The following PPP2R5A variants were observed in gnomAD, a reference collection of about 807,000 sequenced individuals.
PPP2R5A encodes the protein protein phosphatase 2 regulatory subunit B'alpha.
In PPP2R5A, 25 loss-of-function variants were observed where a neutral mutation model predicts 64.2. That is an observed-to-expected ratio of 0.39 (90% CI 0.28 to 0.54). The LOEUF (loss-of-function observed/expected upper bound fraction) is 0.54. PPP2R5A is among the 20% of genes least tolerant of loss of function. The pLI, the probability that PPP2R5A is intolerant of heterozygous loss-of-function variation, is 0.67. For missense variants in PPP2R5A, 425 were observed against 576.3 expected (o/e 0.74, Z 2.69); for synonymous variants, 198 against 201.2 (o/e 0.98, Z 0.13).
intron 1 of PPP2R5A, among the ~76,000 whole-genome samples, chr1:212,320,372 G>T (rs1432430211): frequency 1.3e-5 from 2 of 152,176 alleles, no homozygotes; most frequent in East Asian, 1.9e-4. Flanking sequence ...GCAACCATCC[G>T]ATTTCTCAAT....
At chr1:212,312,405 A>T (rs1051176014) in intron 1 of PPP2R5A, among the ~76,000 whole-genome samples, 1 of 152,064 alleles carries the variant, frequency 6.6e-6, no homozygotes, top group Non-Finnish European at 1.5e-5. Flanking sequence ...CTGAATAGAT[A>T]TTTTTTTGCT....
At chr1:212,321,292 G>T (rs1159321761) in intron 1 of PPP2R5A, among the ~76,000 whole-genome samples, 5 of 133,696 alleles carry the variant, frequency 3.7e-5, no homozygotes, top group East Asian at 2.4e-4. Context: ...CTCACCTCCC[G>T]GACGGGGCGG....
chr1:212,314,377 T>C (rs888675422), intron 1 of PPP2R5A, among the ~76,000 whole-genome samples: 1 of 152,080 alleles, frequency 6.6e-6, no homozygotes, highest in African/African-American at 2.4e-5. Context: ...AGGTAGTTTT[T>C]TTTTGTTGTT....
chr1:212,321,214 A>G (rs1571591413), intron 1 of PPP2R5A, among the ~76,000 whole-genome samples: 2 of 127,318 alleles, frequency 1.6e-5, no homozygotes, highest in Admixed American at 7.9e-5. Flanking sequence ...CATCCTTCCC[A>G]GACGGGGCGG....
intron 1 of PPP2R5A, among the ~76,000 whole-genome samples, chr1:212,310,757 A>T: frequency 6.6e-6 from 1 of 152,102 alleles, no homozygotes; most frequent in East Asian, 1.9e-4. Flanking sequence ...CCATGCGTGG[A>T]GGTTGGGCAG....
At chr1:212,342,547 G>C (rs1659703181) in intron 4 of PPP2R5A, among the ~76,000 whole-genome samples, 1 of 152,126 alleles carries the variant, frequency 6.6e-6, no homozygotes, top group African/African-American at 2.4e-5. Context: ...AGAAAAACAA[G>C]CCTTTCTGCA....
intron 1 of PPP2R5A, among the ~76,000 whole-genome samples, chr1:212,298,869 A>G (rs1220437317): frequency 2.2e-3 from 67 of 30,158 alleles, no homozygotes; most frequent in Admixed American, 3.5e-3. Flanking sequence ...GCGGCTGGCC[A>G]GGCGGGGGGC....
At chr1:212,339,992 TAAAA>T (rs67654928) in intron 3 of PPP2R5A, among the ~76,000 whole-genome samples, 2 of 72,736 alleles carry the variant, frequency 2.7e-5, no homozygotes, top group African/African-American at 1.2e-4. Context: ...ACATGCTGCT[TAAAA>T]AAAAAAAAAA....
chr1:212,324,196 TC>T (rs1659366999), intron 1 of PPP2R5A, among the ~76,000 whole-genome samples: 1 of 152,206 alleles, frequency 6.6e-6, no homozygotes, highest in South Asian at 2.1e-4. Context: ...AGAGTATACT[TC>T]CACAAACTTA....
At chr1:212,352,892 T>C (rs1208333814) in intron 8 of PPP2R5A, 1 of 519,156 alleles carries the variant, frequency 1.9e-6, no homozygotes, top group Non-Finnish European at 3.8e-6. Flanking sequence ...ACAGTTTTCC[T>C]TGATGGTCAT....
At chr1:212,349,736 G>A (rs532214846) in intron 8 of PPP2R5A, among the ~76,000 whole-genome samples, 46 of 152,268 alleles carry the variant, frequency 3.0e-4, no homozygotes, top group African/African-American at 1.1e-3. Flanking sequence ...TGGAATAAAA[G>A]TAGTTTATGA....
intron 3 of PPP2R5A, among the ~76,000 whole-genome samples, chr1:212,337,007 AG>A (rs1210528138): frequency 2.0e-5 from 3 of 152,194 alleles, no homozygotes; most frequent in Non-Finnish European, 4.4e-5. Flanking sequence ...TGCTAATAAA[AG>A]TTTATCTGTT....
At chr1:212,321,640 CAG>C in intron 1 of PPP2R5A, among the ~76,000 whole-genome samples, 1 of 139,382 alleles carries the variant, frequency 7.2e-6, no homozygotes, top group Non-Finnish European at 1.5e-5. Context: ...GGCGGCCTGG[CAG>C]AGATGCTCCT....
chr1:212,314,162 G>C (rs1259004543), intron 1 of PPP2R5A, among the ~76,000 whole-genome samples: 1 of 152,164 alleles, frequency 6.6e-6, no homozygotes, highest in African/African-American at 2.4e-5. Flanking sequence ...GCATGGAGAG[G>C]CTATATGTTG....
chr1:212,356,441 C>T (rs1251036444), intron 8 of PPP2R5A, among the ~76,000 whole-genome samples, 185 bp from the exon 9 acceptor site: 1 of 152,146 alleles, frequency 6.6e-6, no homozygotes, highest in Non-Finnish European at 1.5e-5. Context: ...ACATAATAGG[C>T]ACCCAGTAAA....
chr1:212,359,645 C>A (rs1660045599), intron 12 of PPP2R5A, among the ~76,000 whole-genome samples: 1 of 152,156 alleles, frequency 6.6e-6, no homozygotes, highest in South Asian at 2.1e-4. Context: ...AAGCATATTA[C>A]CTGTTCTGTT....
At chr1:212,313,946 A>G (rs776711651) in intron 1 of PPP2R5A, 1 of 152,236 alleles carries the variant, frequency 6.6e-6, no homozygotes, top group Non-Finnish European at 1.5e-5. Context: ...ATTTAATCTG[A>G]ATTGTATTCC....
At chr1:212,359,452 GC>G (rs1660042869) in intron 12 of PPP2R5A, among the ~76,000 whole-genome samples, 2 of 152,190 alleles carry the variant, frequency 1.3e-5, no homozygotes, top group South Asian at 4.1e-4. Context: ...TAGGAACATG[GC>G]CTAGTGATTA....
intron 3 of PPP2R5A, among the ~76,000 whole-genome samples, chr1:212,336,197 C>T (rs1468037183): frequency 6.6e-6 from 1 of 152,124 alleles, no homozygotes; most frequent in Non-Finnish European, 1.5e-5. Context: ...TCACTGCAAC[C>T]TCCACCTCCC....
Sources: gnomAD v4.1 joint callset for allele counts (sites outside exome capture counted in the v4.1 genomes callset) on GRCh38, gnomAD v4.1.1 for gene constraint, MANE v1.5 for transcripts, NCBI Gene and HGNC (gene_info 2026-07-23, HGNC 2026-07-21) for gene names.